Variants in MACROD2 observed in about 807,000 individuals in gnomAD.
The protein encoded by MACROD2 is mono-ADP ribosylhydrolase 2, also known as ADP-ribose glycohydrolase MACROD2.
Under a neutral mutation model 70.4 loss-of-function variants are expected in MACROD2, and 36 were observed. That is an observed-to-expected ratio of 0.51 (90% CI 0.39 to 0.68). MACROD2 has a LOEUF of 0.68. MACROD2 is among the 30% of genes least tolerant of loss of function. The pLI is 0.00. For missense variants in MACROD2, 496 were observed against 538.4 expected (o/e 0.92, Z 0.78); for synonymous variants, 172 against 178.8 (o/e 0.96, Z 0.30).
intron 4 of MACROD2, among the ~76,000 whole-genome samples, chr20:14,639,555 A>G (rs913412711): frequency 1.3e-5 from 2 of 152,084 alleles, no homozygotes; most frequent in East Asian, 1.9e-4. Flanking sequence ...GTTTAGTTCA[A>G]TTGCCGTCAG....
At chr20:14,485,190 A>AT (rs2084708246) in intron 3 of MACROD2, among the ~76,000 whole-genome samples, 1 of 152,116 alleles carries the variant, frequency 6.6e-6, no homozygotes, top group African/African-American at 2.4e-5. Context: ...AAACACACAA[A>AT]TTTTTACTAG....
chr20:15,818,878 CT>C (rs1265593617), intron 8 of MACROD2, among the ~76,000 whole-genome samples: 3 of 151,980 alleles, frequency 2.0e-5, no homozygotes, highest in East Asian at 3.9e-4. Flanking sequence ...CGAACTGTGG[CT>C]TTTTTTGGTT....
intron 7 of MACROD2, among the ~76,000 whole-genome samples, chr20:15,456,738 A>G (rs769927159): frequency 1.3e-5 from 2 of 152,168 alleles, no homozygotes; most frequent in Admixed American, 1.3e-4. Flanking sequence ...TGGAGAGCTT[A>G]AGAAATACCA....
chr20:15,706,863 A>G (rs1401764315), intron 8 of MACROD2, among the ~76,000 whole-genome samples: 1 of 152,220 alleles, frequency 6.6e-6, no homozygotes, highest in African/African-American at 2.4e-5. Context: ...AGTTTCTGAA[A>G]CTGACATCAC....
At chr20:15,270,146 G>A (rs949515738) in intron 6 of MACROD2, among the ~76,000 whole-genome samples, 1 of 128,080 alleles carries the variant, frequency 7.8e-6, no homozygotes, top group Non-Finnish European at 1.6e-5. Flanking sequence ...GTCTCACACT[G>A]ACACAGCCTT....
At chr20:15,839,862 T>A (rs1429024057) in intron 8 of MACROD2, among the ~76,000 whole-genome samples, 1 of 152,184 alleles carries the variant, frequency 6.6e-6, no homozygotes, top group African/African-American at 2.4e-5. Flanking sequence ...TAGCTGAAAA[T>A]GTGACCACCT....
intron 9 of MACROD2, among the ~76,000 whole-genome samples, chr20:15,882,139 A>T (rs1488365744): frequency 6.6e-6 from 1 of 152,152 alleles, no homozygotes; most frequent in African/African-American, 2.4e-5. Flanking sequence ...AAGTTCACTA[A>T]AAGTAAGCTG....
At chr20:14,530,063 G>A (rs2085284319) in intron 4 of MACROD2, among the ~76,000 whole-genome samples, 1 of 152,100 alleles carries the variant, frequency 6.6e-6, no homozygotes, top group African/African-American at 2.4e-5. Context: ...TTGCCATAGG[G>A]GCACTCTGAG....
At chr20:14,782,513 C>T (rs6135259) in intron 5 of MACROD2, among the ~76,000 whole-genome samples, 10,265 of 152,072 alleles carry the variant, frequency 0.068, 466 homozygotes, top group East Asian at 0.17. Context: ...CAAATGCTTA[C>T]GAGGACATTA....
intron 10 of MACROD2, among the ~76,000 whole-genome samples, chr20:15,895,567 T>C (rs1340046275): frequency 6.6e-6 from 1 of 152,212 alleles, no homozygotes; most frequent in Non-Finnish European, 1.5e-5. Context: ...TTCGAGAGGC[T>C]GAAGAAGAGC....
At chr20:14,776,899 A>G (rs1023322779) in intron 5 of MACROD2, among the ~76,000 whole-genome samples, 2 of 152,112 alleles carry the variant, frequency 1.3e-5, no homozygotes, top group Admixed American at 1.3e-4. Flanking sequence ...TTAAATAAAT[A>G]GAGCCATATA....
At chr20:15,463,286 G>A (rs1012474720) in intron 7 of MACROD2, among the ~76,000 whole-genome samples, 1 of 152,164 alleles carries the variant, frequency 6.6e-6, no homozygotes, top group Non-Finnish European at 1.5e-5. Context: ...AAAGAGTACT[G>A]TCATTAATTA....
intron 15 of MACROD2, among the ~76,000 whole-genome samples, chr20:16,035,428 C>A (rs1358742278): frequency 6.6e-6 from 1 of 151,598 alleles, no homozygotes; most frequent in Non-Finnish European, 1.5e-5. Flanking sequence ...TAAGGGACTT[C>A]TCCTTTGTAT....
chr20:15,013,471 C>T (rs1485348803), intron 5 of MACROD2, among the ~76,000 whole-genome samples: 1 of 152,156 alleles, frequency 6.6e-6, no homozygotes, highest in Non-Finnish European at 1.5e-5. Context: ...AGACAGTCCT[C>T]AGCTGTCAAG....
At position 15,967,534 on chromosome 20, in the gene MACROD2, T is replaced by C; in HGVS notation, c.908-19T>C. On this transcript the variant is annotated intron_variant, in intron 12 of 17. Transcript: ENST00000684519. ...CAAGTTAAAAATGCTGACCAAAGGTTTTGCTTGTTTGTTGTTAGATTTTGC... is the reference window on the plus strand; with the variant it reads ...CAAGTTAAAAATGCTGACCAAAGGTCTTGCTTGTTTGTTGTTAGATTTTGC... 1 of 1,603,148 alleles carries C rather than the reference T, an allele frequency of 6.2e-7. No homozygotes were observed. Among genetic ancestry groups the C allele is most frequent in the Non-Finnish European group, 8.5e-7 (1 of 1,175,182 alleles).
intron 8 of MACROD2, among the ~76,000 whole-genome samples, chr20:15,687,471 T>C (rs527255111): frequency 1.1e-4 from 17 of 151,738 alleles, no homozygotes; most frequent in African/African-American, 3.6e-4. Context: ...TGGACACCGG[T>C]CATTGACTTT....
intron 6 of MACROD2, among the ~76,000 whole-genome samples, chr20:15,235,841 G>C (rs1369355712): frequency 6.6e-6 from 1 of 152,122 alleles, no homozygotes; most frequent in Non-Finnish European, 1.5e-5. Flanking sequence ...CCATTTCCCA[G>C]ACAACTCTTC....
At chr20:14,317,656 C>G (rs1053338987) in intron 3 of MACROD2, among the ~76,000 whole-genome samples, 9 of 151,872 alleles carry the variant, frequency 5.9e-5, no homozygotes, top group Non-Finnish European at 1.2e-4. Context: ...CTGTCCTCCC[C>G]CAACCATAAT....
intron 8 of MACROD2, among the ~76,000 whole-genome samples, chr20:15,538,599 G>T (rs1330817979): frequency 1.3e-5 from 2 of 152,248 alleles, no homozygotes; most frequent in Non-Finnish European, 2.9e-5. Context: ...TCTTCCAGGG[G>T]AATTCAAATG....
Sources: gnomAD v4.1 joint callset for allele counts (sites outside exome capture counted in the v4.1 genomes callset) on GRCh38, gnomAD v4.1.1 for gene constraint, MANE v1.5 for transcripts, NCBI Gene and HGNC (gene_info 2026-07-23, HGNC 2026-07-21) for gene names.